RASA1: variants seen among roughly 807,000 people sequenced by gnomAD.
RASA1 encodes ras GTPase-activating protein 1.
Under a neutral mutation model 132.2 loss-of-function variants are expected in RASA1, and 25 were observed. The ratio of observed to expected loss-of-function variants is 0.19; its 90% confidence interval spans 0.14 to 0.26. RASA1 has a LOEUF of 0.26. RASA1 is among the 10% of genes least tolerant of loss of function. The pLI, the probability that RASA1 is intolerant of heterozygous loss-of-function variation, is 1.00. For missense variants in RASA1, 964 were observed against 1,299.2 expected (o/e 0.74, Z 3.97); for synonymous variants, 477 against 449.9 (o/e 1.06, Z -0.76).
intron 1 of RASA1, among the ~76,000 whole-genome samples, chr5:87,282,017 G>T (rs993997525): frequency 2.0e-5 from 3 of 152,112 alleles, no homozygotes; most frequent in Non-Finnish European, 4.4e-5. Flanking sequence ...TTTGTTGATA[G>T]TGTCTTTTGA....
intron 1 of RASA1, among the ~76,000 whole-genome samples, chr5:87,286,873 AT>A (rs1488101748): frequency 2.7e-5 from 4 of 150,160 alleles, no homozygotes; most frequent in African/African-American, 7.3e-5. Context: ...TATACACCAT[AT>A]ATATATACAC....
At chr5:87,356,678 G>A (rs1191719416) in intron 9 of RASA1, among the ~76,000 whole-genome samples, 1 of 152,148 alleles carries the variant, frequency 6.6e-6, no homozygotes, top group Non-Finnish European at 1.5e-5. Flanking sequence ...TGCCCCAACA[G>A]TTTTTAGTAA....
At chr5:87,311,950 G>A (rs1021808994) in intron 1 of RASA1, among the ~76,000 whole-genome samples, 1 of 152,208 alleles carries the variant, frequency 6.6e-6, no homozygotes, top group Non-Finnish European at 1.5e-5. Flanking sequence ...TATCCAAGGT[G>A]TGGACAACCT....
chr5:87,287,072 C>CAT (rs200104388), intron 1 of RASA1, among the ~76,000 whole-genome samples: 69 of 136,464 alleles, frequency 5.1e-4, no homozygotes, highest in Admixed American at 2.9e-3. Context: ...ATATACACAC[C>CAT]ATATATACAC....
In RASA1 at chr5:87,377,000, G is replaced by A. The variant is rs757206060; in HGVS notation, c.2304G>A (p.Leu768=). Reference sequence around the variant, plus strand: ...TTCTTCACGAAAAGCTTGAATCGTTGTTGTTATGCACACTAAATGACAGAG... The same window carrying A: ...TTCTTCACGAAAAGCTTGAATCGTTATTGTTATGCACACTAAATGACAGAG... ...RIFLHEKLES[L]LLCTLNDREI... The change falls in exon 17 of 25, where the codon TTG becomes TTA. Residue 768 remains leucine, a synonymous_variant. Transcript: ENST00000274376. 2.7e-5 allele frequency: 43 copies of A among 1,613,676 alleles called. No individual in the cohort carries two copies. Among genetic ancestry groups the A allele is most frequent in the Non-Finnish European group, 3.1e-5 (36 of 1,179,806 alleles).
rs1269048148 is a variant in RASA1 at position 87,325,919 on chromosome 5, GC to G, written c.540-5425del. ...GTGAGACAGATTATAAAACACAAAG[GC>G]CCCTCTAAGGCCCTTCGGATGTGTT... On this transcript the variant is annotated intron_variant, in intron 1 of 24. Transcript: ENST00000274376. Among the ~76,000 whole-genome samples the G allele has an allele frequency of 5.3e-5, 8 of 151,912 alleles. No individual in the cohort carries two copies. In the East Asian group the frequency reaches 1.5e-3, roughly 29 times the overall value.
chr5:87,349,369 A>G lies in RASA1; in HGVS notation c.1253+5A>G. The G allele has an allele frequency of 1.2e-6, 2 of 1,611,102 alleles. No homozygotes were observed. The highest frequency in any genetic ancestry group is 1.7e-6 in the Non-Finnish European group (2 of 1,178,056). On this transcript the variant is annotated splice_donor_5th_base_variant and intron_variant, in intron 8 of 24. Transcript: ENST00000274376. Reference sequence around the variant, plus strand: ...GGGAGGCCGGTATTATAACAGGTAAATCATAATTTTTTAGCTATCTTTTAC... The same window carrying G: ...GGGAGGCCGGTATTATAACAGGTAAGTCATAATTTTTTAGCTATCTTTTAC...
At chr5:87,287,375 A>G (rs1326811270) in intron 1 of RASA1, among the ~76,000 whole-genome samples, 3 of 148,422 alleles carry the variant, frequency 2.0e-5, no homozygotes, top group African/African-American at 4.9e-5. Context: ...TATACCATAT[A>G]TACACACACC....
rs7736510 is a variant in RASA1, at chr5:87,360,209, C to T, written c.1333-2342C>T. Among the ~76,000 whole-genome samples, 1,117 of 151,166 alleles carry T rather than the reference C, an allele frequency of 7.4e-3. 17 individuals carry two copies. Among genetic ancestry groups the T allele is most frequent in the African/African-American group, 0.026 (1,080 of 40,902 alleles). ...TGGCATGATCTCAGCTCACTGCAAC[C>T]TCCGCCTCCTGGGTTCAAGCGATTC... On this transcript the variant is annotated intron_variant, in intron 9 of 24. Coordinates refer to ENST00000274376, the MANE Select transcript of RASA1 (RefSeq NM_002890.3).
intron 9 of RASA1, among the ~76,000 whole-genome samples, chr5:87,358,271 C>T (rs1465253356): frequency 6.6e-6 from 1 of 152,140 alleles, no homozygotes; most frequent in Non-Finnish European, 1.5e-5. Flanking sequence ...CAATATACCC[C>T]ATAATAAAAA....
intron 15 of RASA1, among the ~76,000 whole-genome samples, 178 bp downstream of exon 15, chr5:87,375,094 T>C (rs575985191): frequency 6.6e-6 from 1 of 152,280 alleles, no homozygotes; most frequent in East Asian, 1.9e-4. Flanking sequence ...ATACCTAAGA[T>C]AGAAAAAGAC....
At chr5:87,326,869 GA>G (rs1213490221) in intron 1 of RASA1, among the ~76,000 whole-genome samples, 2 of 151,948 alleles carry the variant, frequency 1.3e-5, no homozygotes, top group Non-Finnish European at 2.9e-5. Flanking sequence ...TGCCTTAGTA[GA>G]AAAAAAGATT....
intron 1 of RASA1, among the ~76,000 whole-genome samples, chr5:87,311,043 T>C (rs1278249272): frequency 6.6e-6 from 1 of 152,182 alleles, no homozygotes; most frequent in Non-Finnish European, 1.5e-5. Flanking sequence ...ATTTTGTGGG[T>C]TGAAATGGAA....
chr5:87,332,184 T>C (rs754024594), intron 2 of RASA1, among the ~76,000 whole-genome samples: 3 of 152,126 alleles, frequency 2.0e-5, no homozygotes, highest in Non-Finnish European at 4.4e-5. Flanking sequence ...ATATAAAACT[T>C]ATTAAATTGT....
intron 4 of RASA1, among the ~76,000 whole-genome samples, chr5:87,334,575 C>G (rs1757830704): frequency 6.6e-6 from 1 of 152,238 alleles, no homozygotes; most frequent in Non-Finnish European, 1.5e-5. Flanking sequence ...CATAACTTGC[C>G]TTTTTCACTG....
intron 20 of RASA1, 103 bp from the exon 21 acceptor site, chr5:87,383,610 G>T: frequency 1.2e-6 from 1 of 847,886 alleles, no homozygotes; most frequent in Non-Finnish European, 1.8e-6. Flanking sequence ...AATTTTATGG[G>T]TTCTATGAGT....
At chr5:87,313,822 G>A (rs770491298) in intron 1 of RASA1, among the ~76,000 whole-genome samples, 1 of 152,196 alleles carries the variant, frequency 6.6e-6, no homozygotes, top group African/African-American at 2.4e-5. Flanking sequence ...ACAAAGGGAT[G>A]GCAATAAGGA....
intron 1 of RASA1, among the ~76,000 whole-genome samples, chr5:87,272,635 A>T (rs1459214766): frequency 6.6e-6 from 1 of 152,072 alleles, no homozygotes; most frequent in Non-Finnish European, 1.5e-5. Context: ...CCCTGTGCCC[A>T]TAACTGTAAT....
intron 4 of RASA1, 138 bp from the exon 5 acceptor site, chr5:87,337,836 C>A: frequency 1.1e-6 from 1 of 873,928 alleles, no homozygotes; most frequent in Non-Finnish European, 1.6e-6. Flanking sequence ...AAATAGGATA[C>A]AAATTTAGGG....
Sources: allele counts gnomAD v4.1 joint callset (sites outside exome capture counted in the v4.1 genomes callset), GRCh38; gene constraint gnomAD v4.1.1; transcripts MANE v1.5; gene names NCBI Gene and HGNC (gene_info 2026-07-23, HGNC 2026-07-21).